PDE5A: variants seen among roughly 807,000 people sequenced by gnomAD.
PDE5A encodes cGMP-specific 3',5'-cyclic phosphodiesterase.
Under a neutral mutation model 110.2 loss-of-function variants are expected in PDE5A, and 67 were observed. The ratio of observed to expected loss-of-function variants is 0.61; its 90% CI spans 0.50 to 0.75. The LOEUF is 0.75. PDE5A is among the 30% of genes least tolerant of loss of function. The pLI, the probability that PDE5A is intolerant of heterozygous loss-of-function variation, is 0.00. For synonymous variants in PDE5A, 328 were observed against 351.2 expected, an observed-to-expected ratio of 0.93 and a Z score of 0.74; for missense variants, 862 against 1,045.1, an observed-to-expected ratio of 0.82 and a Z score of 2.42.
intron 13 of PDE5A, chr4:119,519,574 A>G (rs1432332998): frequency 6.5e-6 from 1 of 154,582 alleles, no homozygotes; most frequent in East Asian, 1.9e-4. Flanking sequence ...AAAGAAAATG[A>G]TTTGAAATGA....
intron 3 of PDE5A, among the ~76,000 whole-genome samples, chr4:119,583,785 A>G (rs1307645225): frequency 2.6e-5 from 4 of 152,186 alleles, no homozygotes; most frequent in Admixed American, 1.3e-4. Context: ...GAGAGAATGG[A>G]AGGAAATGGA....
At chr4:119,590,249 T>C (rs1005449407) in intron 3 of PDE5A, among the ~76,000 whole-genome samples, 4 of 152,194 alleles carry the variant, frequency 2.6e-5, no homozygotes, top group Admixed American at 2.6e-4. Flanking sequence ...GCCAGATCAT[T>C]AGCACAGTTT....
In PDE5A at chr4:119,565,306, A is replaced by G. The variant is rs768664226; in HGVS notation, c.993+15T>C. The G allele has an allele frequency of 6.7e-5, 104 of 1,544,512 alleles. 4 individuals are homozygous for G. The highest frequency in any genetic ancestry group is 3.4e-4 in the Middle Eastern group (2 of 5,844). ...AAAAGTATTTCTATGCACTTTCTTT[A>G]GTAATCAGACTGACCTGATTTCTCT... is the stretch of plus-strand genomic sequence containing the variant. On this transcript the variant is annotated intron_variant, in intron 5 of 20. Transcript: ENST00000354960.
At chr4:119,603,734 C>T (rs1729426707) in intron 2 of PDE5A, among the ~76,000 whole-genome samples, 2 of 152,066 alleles carry the variant, frequency 1.3e-5, no homozygotes, top group African/African-American at 4.8e-5. Flanking sequence ...AAATTCTCAG[C>T]ATCAATCTGA....
intron 3 of PDE5A, among the ~76,000 whole-genome samples, chr4:119,578,211 T>G (rs1407198192): frequency 1.3e-5 from 2 of 151,962 alleles, no homozygotes; most frequent in Non-Finnish European, 2.9e-5. Context: ...TGGAAGAACA[T>G]TCCATGCTCA....
intron 1 of PDE5A, among the ~76,000 whole-genome samples, chr4:119,613,655 T>C (rs1729834638): frequency 6.6e-6 from 1 of 152,166 alleles, no homozygotes; most frequent in Non-Finnish European, 1.5e-5. Context: ...TCAGTAGTAG[T>C]TCTGACTGGG....
chr4:119,522,053 T>C (rs904907700), intron 12 of PDE5A, among the ~76,000 whole-genome samples: 6 of 152,028 alleles, frequency 3.9e-5, no homozygotes, highest in Non-Finnish European at 8.8e-5. Flanking sequence ...CACAATACGA[T>C]TAGCTACAGA....
chr4:119,498,864 C>CA, intron 20 of PDE5A, 126 bp from the exon 21 acceptor site: 1 of 944,458 alleles, frequency 1.1e-6, no homozygotes, highest in Non-Finnish European at 1.6e-6. Context: ...GAAATTTTCA[C>CA]AAGCTTTGTG....
chr4:119,558,451 A>C (rs1319303219), intron 7 of PDE5A, among the ~76,000 whole-genome samples: 1 of 152,172 alleles, frequency 6.6e-6, no homozygotes, highest in Non-Finnish European at 1.5e-5. Context: ...AAATTGAGAG[A>C]TGGCAAAGTT....
chr4:119,569,505 A>AT (rs1728067586), intron 3 of PDE5A, among the ~76,000 whole-genome samples: 1 of 146,998 alleles, frequency 6.8e-6, no homozygotes. Context: ...ATAAAGAAAT[A>AT]TTAAAAAAAA....
At chr4:119,602,650 T>A (rs751295964) in intron 2 of PDE5A, among the ~76,000 whole-genome samples, 3 of 152,246 alleles carry the variant, frequency 2.0e-5, no homozygotes, top group African/African-American at 7.2e-5. Context: ...AAAATTCATC[T>A]GGAAATAATC....
At chr4:119,536,426 G>T (rs568612164) in intron 11 of PDE5A, among the ~76,000 whole-genome samples, 2 of 152,034 alleles carry the variant, frequency 1.3e-5, no homozygotes, top group Non-Finnish European at 2.9e-5. Flanking sequence ...CATATTGCTC[G>T]AAAACTACAT....
chr4:119,610,549 G>A (rs1057313875), intron 1 of PDE5A, among the ~76,000 whole-genome samples: 3 of 152,056 alleles, frequency 2.0e-5, no homozygotes, highest in Non-Finnish European at 2.9e-5. Context: ...ACAACTCCAC[G>A]TGGATATCTA....
intron 11 of PDE5A, among the ~76,000 whole-genome samples, chr4:119,534,740 A>G (rs997064635): frequency 1.2e-4 from 18 of 152,222 alleles, no homozygotes; most frequent in Admixed American, 1.1e-3. Flanking sequence ...TATGATGGTC[A>G]TCTTGACATA....
rs757254979 is a variant in PDE5A, at chr4:119,628,711, T to C, written c.-40A>G. ...GCCTCGGAGGCTCTCTGGTACTGCT[T>C]TTCCACCCCAGCTGGGGTCCGTCCC... On this transcript the variant is annotated 5_prime_UTR_variant, in exon 1 of 21. Coordinates refer to ENST00000354960, the MANE Select transcript of PDE5A (RefSeq NM_001083.4). 3.1e-6 allele frequency: 5 copies of C among 1,603,780 alleles called. No homozygotes were observed. In the African/African-American group the frequency reaches 4.0e-5, roughly 13 times the overall value.
Position 119,538,977 on chromosome 4 carries a change from C to T in PDE5A, c.1615G>A (p.Glu539Lys), listed in dbSNP as rs201567342. ...ATAATTACCGCTAACGACTGTAGCT[C>T]TCTTGTTTCTTCCTCTGCTGCTGAA... ...HASAAEEETR[E>K]LQSLAAAVVP... is the part of the protein sequence containing the mutation. Residue 539 changes from glutamate (E) to lysine (K), a missense_variant, in exon 11 of 21, where the codon GAG (glutamate) becomes AAG (lysine). Coordinates refer to ENST00000354960, the MANE Select transcript of PDE5A (RefSeq NM_001083.4). 1.7e-5 allele frequency: 27 copies of T among 1,612,624 alleles called. No individual in the cohort carries two copies. The highest frequency in any genetic ancestry group is 2.2e-5 in the Non-Finnish European group (26 of 1,178,850).
intron 3 of PDE5A, among the ~76,000 whole-genome samples, chr4:119,576,323 T>C (rs1431654636): frequency 6.6e-6 from 1 of 152,216 alleles, no homozygotes; most frequent in Non-Finnish European, 1.5e-5. Flanking sequence ...AACTCAGCTC[T>C]GCACCAGGTG....
In PDE5A at chr4:119,505,863, C is replaced by T; in HGVS notation, c.2259G>A (p.Glu753=). 1 of 1,554,556 alleles carries T rather than the reference C, an allele frequency of 6.4e-7. No individual in the cohort carries two copies. Among genetic ancestry groups the T allele is most frequent in the South Asian group, 1.2e-5 (1 of 83,634 alleles). Residue 753 remains glutamate (E), a synonymous_variant, in exon 17 of 21, where the codon GAG becomes GAA. Transcript: ENST00000354960. Reference sequence around the variant, plus strand: ...ATAGTAAACCTACTTACAAAAACAACTCCTTTTGATGAGGATCTTCCAAAT... The same window carrying T: ...ATAGTAAACCTACTTACAAAAACAATTCCTTTTGATGAGGATCTTCCAAAT... ...QFNLEDPHQK[E]LFLAMLMTAC...
intron 11 of PDE5A, among the ~76,000 whole-genome samples, chr4:119,535,324 A>T (rs2110481486): frequency 6.6e-6 from 1 of 152,232 alleles, no homozygotes; most frequent in Non-Finnish European, 1.5e-5. Context: ...TAGGCACCGG[A>T]TAAGAGAATC....
Sources: gnomAD v4.1 joint callset for allele counts (sites outside exome capture counted in the v4.1 genomes callset) on GRCh38, gnomAD v4.1.1 for gene constraint, MANE v1.5 for transcripts, NCBI Gene and HGNC (gene_info 2026-07-23, HGNC 2026-07-21) for gene names.